The following PRKG1 variants were observed in gnomAD, a reference collection of about 807,000 sequenced individuals.
PRKG1 encodes the protein cGMP-dependent protein kinase 1.
In PRKG1, 35 loss-of-function variants were observed where a neutral mutation model predicts 88.1. The observed-to-expected ratio is 0.40, with a 90% CI of 0.30 to 0.53. The LOEUF is 0.53. Ranked by LOEUF, PRKG1 falls within the 20% of genes least tolerant of loss-of-function variation. PRKG1 has a pLI of 0.59. For synonymous variants in PRKG1, 303 were observed against 292.5 expected (o/e 1.04, Z -0.37); for missense variants, 540 against 839.8 (o/e 0.64, Z 4.41).
intron 9 of PRKG1, among the ~76,000 whole-genome samples, chr10:52,193,573 A>AC (rs1478011097): frequency 1.4e-5 from 2 of 142,546 alleles, no homozygotes; most frequent in East Asian, 2.0e-4. Flanking sequence ...CAAAAAAAAA[A>AC]AACAAAAAAA....
chr10:51,655,211 A>G (rs1381291109), intron 3 of PRKG1, among the ~76,000 whole-genome samples: 1 of 152,156 alleles, frequency 6.6e-6, no homozygotes, highest in Non-Finnish European at 1.5e-5. Context: ...AAGTTTCCAA[A>G]TCCACTGGAT....
intron 4 of PRKG1, among the ~76,000 whole-genome samples, chr10:51,837,123 A>C (rs1296855980): frequency 6.6e-6 from 1 of 152,184 alleles, no homozygotes; most frequent in African/African-American, 2.4e-5. Flanking sequence ...TGCATTGAAA[A>C]GGAAGAAGTA....
intron 1 of PRKG1, among the ~76,000 whole-genome samples, chr10:51,139,264 A>G (rs150361797): frequency 6.6e-6 from 1 of 152,216 alleles, no homozygotes; most frequent in African/African-American, 2.4e-5. Context: ...AGTGGAGAGC[A>G]GTGTTTATTA....
At position 51,527,683 on chromosome 10, in the gene PRKG1, C is replaced by T. The variant is rs78312333; in HGVS notation, c.592+59847C>T. Reference sequence around the variant, plus strand: ...TCAATTTTCTAGCGCTTTAAAGTCTCTTTAACTAAACATTCATGCCAAAGT... The same window carrying T: ...TCAATTTTCTAGCGCTTTAAAGTCTTTTTAACTAAACATTCATGCCAAAGT... On this transcript the variant is annotated intron_variant, in intron 3 of 17. Transcript: ENST00000373980. 5.4e-3 allele frequency among the ~76,000 whole-genome samples: 819 copies of T among 152,288 alleles called. 9 individuals carry two copies. Among genetic ancestry groups the T allele is most frequent in the African/African-American group, 0.019 (786 of 41,568 alleles).
At chr10:51,667,662 A>C (rs554031054) in intron 3 of PRKG1, among the ~76,000 whole-genome samples, 4 of 152,162 alleles carry the variant, frequency 2.6e-5, no homozygotes, top group Admixed American at 2.0e-4. Context: ...AATCTTATTC[A>C]TCTAGTCTTG....
intron 5 of PRKG1, among the ~76,000 whole-genome samples, chr10:51,945,673 T>C (rs1355494516): frequency 6.6e-6 from 1 of 150,750 alleles, no homozygotes; most frequent in Non-Finnish European, 1.5e-5. Context: ...TCTCTCAGCA[T>C]TTGCTTGTCT....
rs1428669952 is a variant in PRKG1 at position 52,036,512 on chromosome 10, T to C, written c.763-17972T>C. ...TAAAGCATGCTGCGGGATGGGATAT[T>C]GGCGTTGAGTGGGGTAAGGGTGATT... On this transcript the variant is annotated intron_variant, in intron 5 of 17. Coordinates refer to ENST00000373980, the MANE Select transcript of PRKG1 (RefSeq NM_006258.4). 8.5e-4 allele frequency among the ~76,000 whole-genome samples: 129 copies of C among 151,590 alleles called. 1 individual carries two copies. Among genetic ancestry groups the C allele is most frequent in the African/African-American group, 2.8e-3 (116 of 41,276 alleles).
intron 5 of PRKG1, among the ~76,000 whole-genome samples, chr10:52,015,460 C>A (rs11000472): frequency 0.26 from 38,938 of 152,136 alleles, 5,456 homozygotes; most frequent in Non-Finnish European, 0.33. Context: ...AACCATTTTT[C>A]CCATCTAGAT....
chr10:52,121,529 T>C (rs905480169), intron 7 of PRKG1, among the ~76,000 whole-genome samples: 3 of 152,232 alleles, frequency 2.0e-5, no homozygotes, highest in African/African-American at 7.2e-5. Flanking sequence ...AAAGAGGCCA[T>C]GTAGCATCTG....
chr10:51,994,229 A>G (rs186844468), intron 5 of PRKG1, among the ~76,000 whole-genome samples: 88 of 152,274 alleles, frequency 5.8e-4, no homozygotes, highest in African/African-American at 1.9e-3. Flanking sequence ...GTTACAGAGT[A>G]TAATTAATTT....
intron 4 of PRKG1, among the ~76,000 whole-genome samples, chr10:51,866,463 T>G (rs1841017208): frequency 6.6e-6 from 1 of 151,928 alleles, no homozygotes; most frequent in Non-Finnish European, 1.5e-5. Context: ...CAGATAGGAA[T>G]GATGAATATT....
intron 3 of PRKG1, among the ~76,000 whole-genome samples, chr10:51,605,259 C>T (rs1282802693): frequency 6.6e-6 from 1 of 152,070 alleles, no homozygotes; most frequent in African/African-American, 2.4e-5. Flanking sequence ...GCATGGTGGA[C>T]CAGAGTAGTC....
chr10:51,768,303 G>A (rs1456314007), intron 3 of PRKG1, among the ~76,000 whole-genome samples: 1 of 152,052 alleles, frequency 6.6e-6, no homozygotes, highest in East Asian at 1.9e-4. Flanking sequence ...TAAGAGTTGT[G>A]CTGGCTATAT....
At chr10:51,555,138 G>T (rs956685460) in intron 3 of PRKG1, among the ~76,000 whole-genome samples, 1 of 151,818 alleles carries the variant, frequency 6.6e-6, no homozygotes, top group African/African-American at 2.4e-5. Context: ...ATACAAGGGG[G>T]TTGTCACGTT....
In PRKG1 at chr10:51,362,630, TTTTA is replaced by T. The variant is rs199572061; in HGVS notation, c.479-105082_479-105079del. ...AGGAAAAACATTGAAACTGTATTTT[TTTTA>T]TTTATTTATTATACTTTAAGTTCTG... On this transcript the variant is annotated intron_variant, in intron 2 of 17. Coordinates refer to ENST00000373980, the MANE Select transcript of PRKG1 (RefSeq NM_006258.4). 2.0e-4 allele frequency among the ~76,000 whole-genome samples: 31 copies of T among 152,008 alleles called. No individual in the cohort carries two copies. The East Asian group carries it at 5.8e-3, about 29-fold the overall frequency.
At chr10:52,180,884 G>GGT (rs1369806262) in intron 9 of PRKG1, among the ~76,000 whole-genome samples, 3 of 152,206 alleles carry the variant, frequency 2.0e-5, no homozygotes, top group Non-Finnish European at 4.4e-5. Flanking sequence ...ATGCCAGCCA[G>GGT]GTGTGGCCCA....
intron 3 of PRKG1, among the ~76,000 whole-genome samples, chr10:51,777,469 G>A (rs1159637391): frequency 2.6e-5 from 4 of 151,904 alleles, no homozygotes; most frequent in African/African-American, 9.7e-5. Flanking sequence ...TTATTTTTTA[G>A]GGTAGTTCTA....
At chr10:51,627,962 C>A (rs1311967895) in intron 3 of PRKG1, among the ~76,000 whole-genome samples, 2 of 17,078 alleles carry the variant, frequency 1.2e-4, no homozygotes, top group South Asian at 3.2e-3. Flanking sequence ...TTCTTTCTTT[C>A]TTTCTTTCTC....
At chr10:52,169,091 G>A (rs1267530966) in intron 9 of PRKG1, among the ~76,000 whole-genome samples, 1 of 152,120 alleles carries the variant, frequency 6.6e-6, no homozygotes, top group Non-Finnish European at 1.5e-5. Context: ...GATTCTTGAT[G>A]AATGTTAGCA....
Sources: allele counts gnomAD v4.1 joint callset (sites outside exome capture counted in the v4.1 genomes callset), GRCh38; gene constraint gnomAD v4.1.1; transcripts MANE v1.5; gene names NCBI Gene and HGNC (gene_info 2026-07-23, HGNC 2026-07-21).